GPSM2: variants seen among roughly 807,000 people sequenced by gnomAD.
GPSM2 encodes G protein signaling modulator 2.
Under a neutral mutation model 78.4 loss-of-function variants are expected in GPSM2, and 58 were observed. That is an observed-to-expected ratio of 0.74 (90% CI 0.60 to 0.92). The LOEUF is 0.92. Ranked by LOEUF, GPSM2 falls within the 40% of genes least tolerant of loss-of-function variation. The pLI is 0.00. For synonymous variants in GPSM2, 224 were observed against 280.2 expected (o/e 0.80, Z 2.00); for missense variants, 700 against 815.5 (o/e 0.86, Z 1.73).
intron 14 of GPSM2, among the ~76,000 whole-genome samples, chr1:108,927,160 G>T (rs1557882109): frequency 6.6e-6 from 1 of 152,076 alleles, no homozygotes; most frequent in Admixed American, 6.5e-5. Context: ...AAAACAAATG[G>T]AACAATATCC....
chr1:108,885,613 A>G (rs764694106), intron 2 of GPSM2, 35 bp downstream of exon 2: 8 of 1,285,692 alleles, frequency 6.2e-6, no homozygotes, highest in Admixed American at 3.4e-5. Flanking sequence ...ATGACTTTTA[A>G]TCCTTATTTT....
chr1:108,901,029 A>G (rs1648766645), intron 7 of GPSM2, among the ~76,000 whole-genome samples: 1 of 152,242 alleles, frequency 6.6e-6, no homozygotes, highest in Non-Finnish European at 1.5e-5. Flanking sequence ...AGCAACTACT[A>G]TGCACAAGAT....
chr1:108,877,735 G>C (rs1665702516), intron 1 of GPSM2: 1 of 151,836 alleles, frequency 6.6e-6, no homozygotes, highest in Admixed American at 6.6e-5. Context: ...GGCACCAACT[G>C]GTCGATTTAC....
chr1:108,904,536 G>A (rs544834438), intron 10 of GPSM2, among the ~76,000 whole-genome samples: 2 of 150,760 alleles, frequency 1.3e-5, no homozygotes, highest in East Asian at 1.9e-4. Flanking sequence ...CTTTTCTTTT[G>A]TAAAAATACA....
In GPSM2 at chr1:108,898,026, G is replaced by T. The variant is rs1249362610; in HGVS notation, c.482G>T (p.Cys161Phe). The T allele has an allele frequency of 3.7e-6, 6 of 1,613,650 alleles. No individual in the cohort carries two copies. The highest frequency in any genetic ancestry group is 5.1e-6 in the Non-Finnish European group (6 of 1,179,626). The change falls in exon 5 of 15, where the codon TGC becomes TTC. Residue 161 changes from cysteine to phenylalanine, a missense_variant. Coordinates refer to ENST00000264126, the MANE Select transcript of GPSM2 (RefSeq NM_013296.5). ...VYHAKGKSFGCPGPQDVGEFP... is the reference protein window; with the variant it reads ...VYHAKGKSFGFPGPQDVGEFP... ...CATGCCAAAGGGAAAAGTTTTGGTT[G>T]CCCTGGTCCCCAGGATGTAGGAGAA...
intron 3 of GPSM2, 98 bp from the exon 4 acceptor site, chr1:108,897,393 GT>G (rs1648450716): frequency 1.7e-6 from 2 of 1,174,600 alleles, no homozygotes; most frequent in South Asian, 2.7e-5. Flanking sequence ...ATGTCAGTTT[GT>G]CCTCTTGGAA....
intron 1 of GPSM2, among the ~76,000 whole-genome samples, chr1:108,879,903 C>A (rs1211727469): frequency 6.6e-6 from 1 of 152,178 alleles, no homozygotes; most frequent in Admixed American, 6.5e-5. Context: ...CCTTCTCAGC[C>A]TTCTCTTTCA....
chr1:108,891,404 A>G (rs768189464), intron 2 of GPSM2, among the ~76,000 whole-genome samples: 30 of 152,198 alleles, frequency 2.0e-4, no homozygotes, highest in Non-Finnish European at 2.8e-4. Context: ...TTCATATCTC[A>G]ACTTTGACAT....
chr1:108,915,627 G>A (rs1046245542), intron 11 of GPSM2, among the ~76,000 whole-genome samples: 3 of 151,360 alleles, frequency 2.0e-5, no homozygotes, highest in Non-Finnish European at 4.4e-5. Flanking sequence ...GGGTTTCACC[G>A]TGTTGGCCAC....
chr1:108,923,642 C>G (rs781286046), intron 13 of GPSM2, among the ~76,000 whole-genome samples: 13 of 152,226 alleles, frequency 8.5e-5, no homozygotes, highest in Non-Finnish European at 1.8e-4. Context: ...AAACACTGTC[C>G]TACACAACCT....
Position 108,906,955 on chromosome 1 carries a change from C to T in GPSM2, c.1192+2701C>T, listed in dbSNP as rs1649281707. On this transcript the variant is annotated intron_variant, in intron 10 of 14. Transcript: ENST00000264126. The stretch of plus-strand genomic sequence containing the variant: ...AGGCATGAACCATCATGCCTGGCCT[C>T]AGAGTGCTCCTTTAGAATATACGTC... 2.0e-5 allele frequency among the ~76,000 whole-genome samples: 3 copies of T among 152,162 alleles called. No homozygotes were observed. The South Asian group carries it at 6.2e-4, about 32-fold the overall frequency.
At position 108,931,627 on chromosome 1, in the gene GPSM2, C is replaced by CAAAAA; in HGVS notation, c.*1687_*1688insAAAAA. 1 of 1,011,700 alleles carries CAAAAA rather than the reference C, an allele frequency of 9.9e-7. No individual in the cohort carries two copies. Among genetic ancestry groups the CAAAAA allele is most frequent in the Non-Finnish European group, 1.3e-6 (1 of 786,374 alleles). 62.7% of individuals were successfully genotyped at this position (1,011,700 alleles called of 1,614,324 possible). Reference sequence around the variant, plus strand: ...GGAATTAATTACATTAAGTGCTCAGCTAAAAAAAAAAAAAAAGTTCTAAAT... The same window carrying CAAAAA: ...GGAATTAATTACATTAAGTGCTCAGCAAAAATAAAAAAAAAAAAAAAGTTCTAAAT... On this transcript the variant is annotated 3_prime_UTR_variant, in exon 15 of 15. Transcript: ENST00000264126.
chr1:108,886,892 GT>G (rs572236285), intron 2 of GPSM2, among the ~76,000 whole-genome samples: 174 of 142,098 alleles, frequency 1.2e-3, no homozygotes, highest in Admixed American at 1.6e-3. Context: ...TTGTGTTTTT[GT>G]TTTTTTTTTT....
At position 108,924,137 on chromosome 1, in the gene GPSM2, T is replaced by TCGGC. The variant is rs1650950189; in HGVS notation, c.1741_1742insCCGG (p.Val581AlafsTer4). 2 of 1,613,902 alleles carry TCGGC rather than the reference T, an allele frequency of 1.2e-6. No homozygotes were observed. Among genetic ancestry groups the TCGGC allele is most frequent in the Non-Finnish European group, 1.7e-6 (2 of 1,179,816 alleles). ...GCTTCGTCTAACACAAAACAGCCAG[T>TCGGC]CGGTACTTAGCCACCTGATGACTAA... On this transcript the variant is annotated frameshift_variant, in exon 14 of 15. Transcript: ENST00000264126. LOFTEE classifies it high-confidence loss of function.
intron 2 of GPSM2, among the ~76,000 whole-genome samples, chr1:108,893,426 G>A (rs146616789): frequency 1.3e-5 from 2 of 152,066 alleles, no homozygotes; most frequent in South Asian, 2.1e-4. Flanking sequence ...GTATAGTGGC[G>A]TGTAATTTTT....
intron 14 of GPSM2, 99 bp downstream of exon 14, chr1:108,924,313 TAGAG>T: frequency 1.3e-6 from 1 of 784,512 alleles, no homozygotes; most frequent in Non-Finnish European, 2.2e-6. Flanking sequence ...TATTTTGTAT[TAGAG>T]AGTTATTATT....
chr1:108,917,502 G>A (rs1001675309), intron 11 of GPSM2, among the ~76,000 whole-genome samples: 1 of 149,888 alleles, frequency 6.7e-6, no homozygotes, highest in Non-Finnish European at 1.5e-5. Flanking sequence ...GGGAGGCGGA[G>A]GTTGCAGTGA....
chr1:108,920,243 C>T lies in GPSM2; in HGVS notation c.1440+1454C>T, dbSNP rs559223965. ...CAGCACTTCGGGAGGCCAAGGCAGG[C>T]GGATCACTTGAAGTCAGGAGTTCAA... On this transcript the variant is annotated intron_variant, in intron 12 of 14. Transcript: ENST00000264126. Among the ~76,000 whole-genome samples the T allele has an allele frequency of 5.9e-5, 9 of 152,114 alleles. No homozygotes were observed. In the South Asian group the frequency reaches 1.7e-3, roughly 28 times the overall value.
intron 14 of GPSM2, among the ~76,000 whole-genome samples, chr1:108,924,828 G>C (rs71655972): frequency 6.6e-6 from 1 of 152,154 alleles, no homozygotes; most frequent in Non-Finnish European, 1.5e-5. Context: ...TAGGCTTTTG[G>C]AGGCCATGAT....
Sources: gnomAD v4.1 joint callset for allele counts (sites outside exome capture counted in the v4.1 genomes callset) on GRCh38, gnomAD v4.1.1 for gene constraint, MANE v1.5 for transcripts, NCBI Gene and HGNC (gene_info 2026-07-23, HGNC 2026-07-21) for gene names.